The following CPT1B variants were observed in gnomAD, a reference collection of about 807,000 sequenced individuals.
CPT1B encodes carnitine O-palmitoyltransferase 1, muscle isoform.
A neutral mutation model predicts 92.7 loss-of-function variants in CPT1B; 57 were observed. The observed-to-expected ratio is 0.62, with a 90% CI of 0.50 to 0.77. CPT1B has a LOEUF of 0.77. Among genes scored for constraint, CPT1B ranks in the 30% least tolerant of loss-of-function variants. The pLI is 0.00. For synonymous variants in CPT1B, 398 were observed against 383.5 expected, an observed-to-expected ratio of 1.04 and a Z score of -0.44; for missense variants, 983 against 1,017.4, an observed-to-expected ratio of 0.97 and a Z score of 0.46.
At chr22:50,572,395 C>T (rs2070221476) in intron 11 of CPT1B, 87 bp from the exon 12 acceptor site, 2 of 772,690 alleles carry the variant, frequency 2.6e-6, no homozygotes, top group Non-Finnish European at 4.4e-6. Flanking sequence ...ACCCTAATTA[C>T]TAACCCTATT....
Position 50,576,219 on chromosome 22 carries a change from CTTGAGCACCAGGTA to C in CPT1B, c.664_677del (p.Tyr222ValfsTer6). ...TTACATAGTTACTTGCCCACCATGA[CTTGAGCACCAGGTA>C]TTTCTGCAGCCTGGGGGCAGTCTTG... is the stretch of plus-strand genomic sequence containing the variant. On this transcript the variant is annotated frameshift_variant, in exon 6 of 20. Coordinates refer to ENST00000312108, the MANE Select transcript of CPT1B (RefSeq NM_152246.3). LOFTEE classifies it high-confidence loss of function. 1 of 1,614,114 alleles carries C rather than the reference CTTGAGCACCAGGTA, an allele frequency of 6.2e-7. No individual in the cohort carries two copies. The highest frequency in any genetic ancestry group is 8.5e-7 in the Non-Finnish European group (1 of 1,180,014).
rs2070450624 is a variant in CPT1B at position 50,576,624 on chromosome 22, A to T, written c.473T>A (p.Leu158His). The change falls in exon 5 of 20, where the codon CTT becomes CAT. Residue 158 changes from leucine to histidine, a missense_variant. By Grantham distance (99) the Leu-to-His change is moderately conservative (BLOSUM62 -3). Coordinates refer to ENST00000312108, the MANE Select transcript of CPT1B (RefSeq NM_152246.3). ...LTRIWAMCIR[L>H]LSSRHPMLYS... Reference sequence around the variant, plus strand: ...GAGCATAGGGTGCCGGCTGGATAGAAGGCGGATACACATCTGGGGGTACAG... The same window carrying T: ...GAGCATAGGGTGCCGGCTGGATAGATGGCGGATACACATCTGGGGGTACAG... 2 of 1,610,862 alleles carry T rather than the reference A, an allele frequency of 1.2e-6. No individual in the cohort carries two copies. Among genetic ancestry groups the T allele is most frequent in the Admixed American group, 3.4e-5 (2 of 59,330 alleles).
chr22:50,577,231 G>C, intron 3 of CPT1B, 93 bp downstream of exon 3: 1 of 1,538,660 alleles, frequency 6.5e-7, no homozygotes, highest in East Asian at 2.3e-5. Context: ...AATGGCTGCT[G>C]TCCTGTATCT....
chr22:50,576,781 G>T (rs140515), intron 4 of CPT1B, 76 bp downstream of exon 4: 1 of 1,588,066 alleles, frequency 6.3e-7, no homozygotes, highest in East Asian at 2.2e-5. Context: ...TGCCTCTCCC[G>T]TCTAGCTCAG....
At chr22:50,575,378 A>T (rs2070385298) in intron 7 of CPT1B, among the ~76,000 whole-genome samples, 1 of 152,188 alleles carries the variant, frequency 6.6e-6, no homozygotes, top group African/African-American at 2.4e-5. Flanking sequence ...AAGGGGTTCT[A>T]CCACTAAAAA....
intron 16 of CPT1B, 152 bp from the exon 17 acceptor site, chr22:50,570,558 A>G: frequency 1.5e-6 from 1 of 656,332 alleles, no homozygotes; most frequent in Non-Finnish European, 2.6e-6. Context: ...GCATCATGCC[A>G]CATAAGGCTT....
chr22:50,576,279 C>T lies in CPT1B; in HGVS notation c.618G>A (p.Leu206=), dbSNP rs1385588376. ...TCTTGTCCTGGAATTCTTTGGCCAGCAACTCCATGCGGTAATATTCCTCAT... is the reference window on the plus strand; with the variant it reads ...TCTTGTCCTGGAATTCTTTGGCCAGTAACTCCATGCGGTAATATTCCTCAT... ...LDDEEYYRME[L]LAKEFQDKTA... The change falls in exon 6 of 20, where the codon TTG becomes TTA. Residue 206 remains leucine (L), a synonymous_variant. Coordinates refer to ENST00000312108, the MANE Select transcript of CPT1B (RefSeq NM_152246.3). The T allele has an allele frequency of 7.4e-6, 12 of 1,613,950 alleles. No individual in the cohort carries two copies. The highest frequency in any genetic ancestry group is 1.0e-5 in the Non-Finnish European group (12 of 1,180,036).
In CPT1B at chr22:50,577,483, C is replaced by A. The variant is rs562105358; in HGVS notation, c.142-20G>T. On this transcript the variant is annotated intron_variant, in intron 2 of 19. Transcript: ENST00000312108. The stretch of plus-strand genomic sequence containing the variant: ...GCCATTCTGTGGGCAGAAACAGGCG[C>A]CCTTATGGAGCCGGAAGGCGGGAGG... 1.2e-6 allele frequency: 2 copies of A among 1,612,574 alleles called. No individual in the cohort carries two copies. Among genetic ancestry groups the A allele is most frequent in the South Asian group, 2.2e-5 (2 of 91,054 alleles).
Position 50,571,432 on chromosome 22 carries a change from C to A in CPT1B, c.1683G>T (p.Lys561Asn). 2 of 1,613,890 alleles carry A rather than the reference C, an allele frequency of 1.2e-6. No homozygotes were observed. Among genetic ancestry groups the A allele is most frequent in the East Asian group, 2.2e-5 (1 of 44,880 alleles). Residue 561 changes from lysine (K) to asparagine (N), a missense_variant, in exon 14 of 20, where the codon AAG becomes AAT. Lys to Asn is a moderately conservative substitution (Grantham distance 94, BLOSUM62 0). Transcript: ENST00000312108. ...CAAAGGCATCAGGGCTGGTCCGGCA[C>A]TTCTTGATGAGGCCTTTGCCAAAGG... is the stretch of plus-strand genomic sequence containing the variant. ...FLPFGKGLIK[K>N]CRTSPDAFVQ...
In CPT1B at chr22:50,569,626, C is replaced by T. The variant is rs114814733; in HGVS notation, c.2185G>A (p.Glu729Lys). ...GYGVSYMIAG[E>K]NTIFFHISSK... ...GAGATGTGGAAGAAGATCGTGTTCT[C>T]GCCTGCAATCATGTAGGAAACTCCA... The change falls in exon 18 of 20, where the codon GAG (glutamate) becomes AAG (lysine). Residue 729 changes from glutamate (E) to lysine (K), a missense_variant. By Grantham distance (56) the Glu-to-Lys change is moderately conservative. Coordinates refer to ENST00000312108, the MANE Select transcript of CPT1B (RefSeq NM_152246.3). 256 of 1,614,058 alleles carry T rather than the reference C, an allele frequency of 1.6e-4. 1 individual carries two copies. In the African/African-American group the frequency reaches 3.1e-3, roughly 19 times the overall value.
Position 50,574,253 on chromosome 22 carries a change from T to TG in CPT1B, c.970+81dup, listed in dbSNP as rs888033271. 1.4e-5 allele frequency: 15 copies of TG among 1,079,006 alleles called. No individual in the cohort carries two copies. In the Admixed American group the frequency reaches 3.0e-4, roughly 21 times the overall value. 66.8% of individuals were successfully genotyped at this position (1,079,006 alleles called of 1,614,324 possible). On this transcript the variant is annotated intron_variant, in intron 9 of 19. Transcript: ENST00000312108. ...TCACAGTTTCAGGACCCTGAGACAC[T>TG]GGGGACGCTTGGTGATGAGCAGGCA...
intron 16 of CPT1B, 53 bp downstream of exon 16, chr22:50,570,838 C>T (rs1412827279): frequency 6.3e-7 from 1 of 1,590,586 alleles, no homozygotes; most frequent in Non-Finnish European, 8.6e-7. Flanking sequence ...TGGCCCAAGC[C>T]CTGCGTGTAG....
chr22:50,575,722 G>T (rs373106334), intron 7 of CPT1B, among the ~76,000 whole-genome samples: 13 of 152,346 alleles, frequency 8.5e-5, no homozygotes, highest in Middle Eastern at 6.8e-3. Context: ...ATGGCCAGGA[G>T]GCCAGTGAGG....
chr22:50,572,045 G>A lies in CPT1B; in HGVS notation c.1536C>T (p.Leu512=), dbSNP rs200007612. 2.7e-5 allele frequency: 44 copies of A among 1,613,988 alleles called. No homozygotes were observed. The highest frequency in any genetic ancestry group is 3.3e-5 in the Admixed American group (2 of 60,004). ...CCCACTGCAGCCGTGTAGGAGGTGC[G>A]AGCGCAGGGTTCGGTTTGCCCAGGC... is the stretch of plus-strand genomic sequence containing the variant. ...GHCLGKPNPA[L]APPTRLQWDI... The change falls in exon 13 of 20, where the codon CTC becomes CTT. Residue 512 remains leucine, a synonymous_variant. Transcript: ENST00000312108.
At chr22:50,572,745 A>G (rs2070238401) in intron 11 of CPT1B, 130 bp downstream of exon 11, 2 of 1,035,040 alleles carry the variant, frequency 1.9e-6, no homozygotes, top group Admixed American at 4.9e-5. Context: ...TTGGCCCCCA[A>G]AGTGCTAGGA....
intron 1 of CPT1B, 49 bp from the exon 2 acceptor site, chr22:50,577,983 C>T: frequency 2.9e-6 from 4 of 1,399,530 alleles, no homozygotes; most frequent in Non-Finnish European, 3.8e-6. Flanking sequence ...CCGGCCCCGC[C>T]GCCAGCCGCG....
At chr22:50,577,733 G>C in intron 2 of CPT1B, 42 bp downstream of exon 2, 1 of 1,602,290 alleles carries the variant, frequency 6.2e-7, no homozygotes, top group Non-Finnish European at 8.5e-7. Flanking sequence ...ACAGCTGACA[G>C]CCGGCCTCTG....
chr22:50,575,949 G>T, intron 7 of CPT1B, 86 bp downstream of exon 7: 1 of 1,299,816 alleles, frequency 7.7e-7, no homozygotes, highest in Non-Finnish European at 1.1e-6. Flanking sequence ...GCTGCTACTA[G>T]AGCTCTGGGC....
chr22:50,576,572 C>G lies in CPT1B; in HGVS notation c.525G>C (p.Lys175Asn), dbSNP rs748289383. 7 of 1,607,644 alleles carry G rather than the reference C, an allele frequency of 4.4e-6. No homozygotes were observed. The East Asian group carries it at 1.1e-4, about 26-fold the overall frequency. Residue 175 changes from lysine to asparagine, a missense_variant, in exon 5 of 20, where the codon AAG (lysine) becomes AAC (asparagine). Physicochemically the swap from Lys to Asn is moderately conservative, Grantham distance 94. Transcript: ENST00000312108. ...MLYSFQTSLP[K>N]LPVPRVSATI... is the part of the protein sequence containing the mutation. ...TGGCTGACACCCTGGGCACAGGAAG[C>G]TTGGGCAGAGATGTCTGGAAGCTGT...
Sources: gnomAD v4.1 joint callset for allele counts (sites outside exome capture counted in the v4.1 genomes callset) on GRCh38, gnomAD v4.1.1 for gene constraint, MANE v1.5 for transcripts, NCBI Gene and HGNC (gene_info 2026-07-23, HGNC 2026-07-21) for gene names.